Variants in HERC2 observed in about 807,000 individuals in gnomAD.
HERC2 encodes E3 ubiquitin-protein ligase HERC2.
HERC2 carries 102 observed loss-of-function variants against 537.7 expected under a neutral mutation model. That is an observed-to-expected ratio of 0.19 (90% CI 0.16 to 0.22). The LOEUF is 0.22. Ranked by LOEUF, HERC2 falls within the 10% of genes least tolerant of loss-of-function variation. HERC2 has a pLI of 1.00. For synonymous variants in HERC2, 2,224 were observed against 2,466.2 expected (o/e 0.90, Z 2.91); for missense variants, 4,236 against 6,198.2 (o/e 0.68, Z 10.63).
chr15:28,132,950 G>C (rs1890255843), intron 79 of HERC2, 120 bp from the exon 80 acceptor site: 1 of 839,106 alleles, frequency 1.2e-6, no homozygotes, highest in African/African-American at 1.8e-5. Context: ...CAATCAAGAA[G>C]AATCATTCAG....
chr15:28,255,763 T>C (rs2075238781), intron 19 of HERC2, 109 bp downstream of exon 19: 2 of 1,168,162 alleles, frequency 1.7e-6, no homozygotes, highest in South Asian at 1.6e-5. Context: ...AATACTTGGA[T>C]ATGATAAAAG....
chr15:28,152,094 A>C (rs1330076267), intron 70 of HERC2, among the ~76,000 whole-genome samples: 1 of 152,178 alleles, frequency 6.6e-6, no homozygotes, highest in Non-Finnish European at 1.5e-5. Context: ...ACAACCACTA[A>C]GGAGCTGGCA....
intron 23 of HERC2, among the ~76,000 whole-genome samples, chr15:28,244,014 A>G (rs1261596730): frequency 1.3e-5 from 2 of 152,212 alleles, no homozygotes; most frequent in Non-Finnish European, 2.9e-5. Context: ...TGTCTCTACA[A>G]AAAATTTAAA....
intron 52 of HERC2, among the ~76,000 whole-genome samples, chr15:28,192,975 A>C: frequency 6.6e-6 from 1 of 152,136 alleles, no homozygotes; most frequent in Admixed American, 6.5e-5. Flanking sequence ...AAATCATCTC[A>C]ATCAATGAAT....
At chr15:28,257,035 GGAA>G (rs749856181) in intron 17 of HERC2, 23 bp downstream of exon 17, 9 of 1,588,276 alleles carry the variant, frequency 5.7e-6, no homozygotes, top group East Asian at 2.2e-5. Context: ...TACAAAAGGA[GGAA>G]GAAGAAGGGA....
At chr15:28,181,216 G>A (rs1353019846) in intron 57 of HERC2, among the ~76,000 whole-genome samples, 1 of 152,160 alleles carries the variant, frequency 6.6e-6, no homozygotes, top group Non-Finnish European at 1.5e-5. Flanking sequence ...CGGAAGAAAG[G>A]ATTTTCATCA....
At chr15:28,277,059 A>G (rs2075892886) in intron 5 of HERC2, among the ~76,000 whole-genome samples, 1 of 152,182 alleles carries the variant, frequency 6.6e-6, no homozygotes, top group East Asian at 1.9e-4. Context: ...TGTGGGCATC[A>G]GGGTGAGACC....
At position 28,184,811 on chromosome 15, in the gene HERC2, G is replaced by A. The variant is rs528337899; in HGVS notation, c.8825+1766C>T. 2.6e-3 allele frequency among the ~76,000 whole-genome samples: 394 copies of A among 151,446 alleles called. 1 individual carries two copies. The highest frequency in any genetic ancestry group is 8.9e-3 in the African/African-American group (368 of 41,282). On this transcript the variant is annotated intron_variant, in intron 56 of 92. Coordinates refer to ENST00000261609, the MANE Select transcript of HERC2 (RefSeq NM_004667.6). ...CAGGAAGCGGAGCTTGCAGTGAGCC[G>A]AGATTGCACCACTGCACTCCAGCCT...
chr15:28,122,011 C>T lies in HERC2; in HGVS notation c.13189-582G>A, dbSNP rs539261821. ...GGCCAGGGAGCACCGCGGAGCCAGCCGGACCTTGGATCGCCACTGCCTGCC... is the reference window on the plus strand; with the variant it reads ...GGCCAGGGAGCACCGCGGAGCCAGCTGGACCTTGGATCGCCACTGCCTGCC... On this transcript the variant is annotated intron_variant, in intron 85 of 92. Transcript: ENST00000261609. This position sits in a 1 kb window ranked among gnomAD's most constrained non-coding sequence, Gnocchi z 4.1. Among the ~76,000 whole-genome samples, 5 of 147,108 alleles carry T rather than the reference C, an allele frequency of 3.4e-5. No individual in the cohort carries two copies. The highest frequency in any genetic ancestry group is 1.0e-4 in the African/African-American group (4 of 39,702).
At chr15:28,118,505 T>C (rs1276883554) in intron 86 of HERC2, 1 of 152,252 alleles carries the variant, frequency 6.6e-6, no homozygotes, top group African/African-American at 2.4e-5. Context: ...AATAAATTTT[T>C]AAGTATAAAA....
chr15:28,245,139 T>C (rs1903529794), intron 23 of HERC2, among the ~76,000 whole-genome samples: 1 of 152,158 alleles, frequency 6.6e-6, no homozygotes, highest in South Asian at 2.1e-4. Context: ...CTCTGCCTCC[T>C]GAGCTGGACC....
In HERC2 at chr15:28,260,137, C is replaced by T. The variant is rs1164184346; in HGVS notation, c.2316+640G>A. On this transcript the variant is annotated intron_variant, in intron 16 of 92. Transcript: ENST00000261609. ...GGCAGATCGCTAGAGCTCAGGAGTTCGAGACCAGCCTGGGCAACATAGTGA... is the reference window on the plus strand; with the variant it reads ...GGCAGATCGCTAGAGCTCAGGAGTTTGAGACCAGCCTGGGCAACATAGTGA... Among the ~76,000 whole-genome samples, 6 of 149,618 alleles carry T rather than the reference C, an allele frequency of 4.0e-5. No homozygotes were observed. In the East Asian group the frequency reaches 7.9e-4, roughly 20 times the overall value.
At chr15:28,132,342 CT>C in intron 80 of HERC2, 81 bp from the exon 81 acceptor site, 28 of 1,301,752 alleles carry the variant, frequency 2.2e-5, no homozygotes, top group Admixed American at 5.4e-5. Context: ...CACTGCCATT[CT>C]TTTTTTATGG....
intron 20 of HERC2, among the ~76,000 whole-genome samples, chr15:28,249,946 C>T (rs958157639): frequency 3.9e-5 from 6 of 152,114 alleles, no homozygotes; most frequent in Middle Eastern, 3.4e-3. Flanking sequence ...TGAGCCACCA[C>T]GCCCGGCCTA....
chr15:28,270,708 G>A lies in HERC2; in HGVS notation c.1244C>T (p.Pro415Leu), dbSNP rs759964244. The change falls in exon 10 of 93, where the codon CCG becomes CTG. Residue 415 changes from proline (P) to leucine (L), a missense_variant. This residue lies in a region of HERC2 where 491 missense variants were observed against 559.3 expected (regional missense o/e 0.88). Coordinates refer to ENST00000261609, the MANE Select transcript of HERC2 (RefSeq NM_004667.6). Reference protein sequence around the residue: ...TPCMPPLCSSPTSHKGSLQEV... With the variant: ...TPCMPPLCSSLTSHKGSLQEV... ...TTGCACACACACCTTATGAGATGTC[G>A]GAGAGCTACACAGCGGAGGCATACA... 11 of 1,613,754 alleles carry A rather than the reference G, an allele frequency of 6.8e-6. No homozygotes were observed. The highest frequency in any genetic ancestry group is 2.2e-5 in the East Asian group (1 of 44,878).
At position 28,228,382 on chromosome 15, in the gene HERC2, A is replaced by G. The variant is rs1308065683; in HGVS notation, c.5300T>C (p.Ile1767Thr). 1.2e-6 allele frequency: 2 copies of G among 1,612,046 alleles called. No individual in the cohort carries two copies. Among genetic ancestry groups the G allele is most frequent in the Non-Finnish European group, 1.7e-6 (2 of 1,179,870 alleles). The stretch of plus-strand genomic sequence containing the variant: ...CGGTCCTGACGGGTTCTCATTGGTG[A>G]TGGTTTGCAGGGGAACCGGCTGGAT... ...LGIQPVPLQT[I>T]TNENPSGPSL... The change falls in exon 35 of 93, where the codon ATC (isoleucine) becomes ACC (threonine). Residue 1767 changes from isoleucine to threonine, a missense_variant. Coordinates refer to ENST00000261609, the MANE Select transcript of HERC2 (RefSeq NM_004667.6).
At chr15:28,175,379 A>G in intron 64 of HERC2, 133 bp downstream of exon 64, 2 of 888,098 alleles carry the variant, frequency 2.3e-6, no homozygotes, top group South Asian at 1.6e-5. Context: ...ACCCGCCCTC[A>G]TGGTTCTCCA....
intron 72 of HERC2, 137 bp from the exon 73 acceptor site, chr15:28,144,372 T>G: frequency 1.2e-6 from 1 of 854,582 alleles, no homozygotes; most frequent in Non-Finnish European, 1.8e-6. Context: ...CGCATGCCAC[T>G]GCGAGTCGGT....
At chr15:28,314,586 G>A (rs1195978975) in intron 2 of HERC2, among the ~76,000 whole-genome samples, 5 of 152,006 alleles carry the variant, frequency 3.3e-5, no homozygotes, top group African/African-American at 9.7e-5. Flanking sequence ...AGCCAAGCAC[G>A]GTGGCTCACA....
Sources: allele counts gnomAD v4.1 joint callset (sites outside exome capture counted in the v4.1 genomes callset), GRCh38; gene constraint gnomAD v4.1.1; regional missense constraint gnomAD v4.1.1; non-coding constraint Gnocchi (gnomAD v3.1); transcripts MANE v1.5; gene names NCBI Gene and HGNC (gene_info 2026-07-23, HGNC 2026-07-21).